SYT14: variants seen among roughly 807,000 people sequenced by gnomAD.
SYT14 encodes synaptotagmin 14, also known as synaptotagmin-14.
SYT14 carries 32 observed loss-of-function variants against 74.2 expected under a neutral mutation model. The ratio of observed to expected loss-of-function variants is 0.43; its 90% confidence interval spans 0.33 to 0.58. The LOEUF (loss-of-function observed/expected upper bound fraction) is 0.58. SYT14 is among the 20% of genes least tolerant of loss of function. The pLI is 0.05. For missense variants in SYT14, 791 were observed against 981.8 expected (o/e 0.81, Z 2.60); for synonymous variants, 298 against 337.7 (o/e 0.88, Z 1.29).
intron 1 of SYT14, among the ~76,000 whole-genome samples, chr1:209,945,027 C>A (rs905519351): frequency 6.6e-6 from 1 of 152,040 alleles, no homozygotes; most frequent in Non-Finnish European, 1.5e-5. Context: ...CACTGCTTCT[C>A]CCTCTCTTGT....
chr1:209,984,929 C>T (rs1305084295), intron 2 of SYT14, among the ~76,000 whole-genome samples: 2 of 152,136 alleles, frequency 1.3e-5, no homozygotes, highest in African/African-American at 2.4e-5. Flanking sequence ...ATTTCAAGAA[C>T]AGCACTAAGC....
intron 6 of SYT14, 49 bp downstream of exon 5, chr1:210,094,642 A>T: frequency 6.3e-7 from 1 of 1,590,830 alleles, no homozygotes; most frequent in Non-Finnish European, 8.6e-7. Flanking sequence ...TTTGGAGGAT[A>T]ATAATCCTGT....
chr1:210,153,238 A>C (rs2083203104), intron 7 of SYT14, among the ~76,000 whole-genome samples: 2 of 152,166 alleles, frequency 1.3e-5, no homozygotes, highest in Admixed American at 1.3e-4. Flanking sequence ...CTTTGTCCTC[A>C]CCACATTTGG....
chr1:210,065,865 T>G (rs170556), intron 5 of SYT14, among the ~76,000 whole-genome samples: 1 of 149,774 alleles, frequency 6.7e-6, no homozygotes, highest in African/African-American at 2.5e-5. Flanking sequence ...TCCTAATGCT[T>G]TCCCTCCCCC....
chr1:210,100,501 C>A, intron 7 of SYT14, 40 bp downstream of exon 6: 1 of 1,583,768 alleles, frequency 6.3e-7, no homozygotes, highest in South Asian at 1.1e-5. Context: ...AGTTTATGTT[C>A]ATGGTTTATA....
intron 2 of SYT14, among the ~76,000 whole-genome samples, chr1:210,000,360 C>G (rs966184288): frequency 6.6e-6 from 1 of 151,738 alleles, no homozygotes; most frequent in Non-Finnish European, 1.5e-5. Context: ...ATGTAAAATA[C>G]GTGGGATAGT....
chr1:209,978,337 T>A (rs901624852), intron 2 of SYT14, among the ~76,000 whole-genome samples: 38 of 152,236 alleles, frequency 2.5e-4, no homozygotes, highest in African/African-American at 8.9e-4. Context: ...TTTGTGGTTT[T>A]ATCTACCTTT....
At chr1:210,099,597 TTTTA>T (rs1407197607) in intron 6 of SYT14, among the ~76,000 whole-genome samples, 2 of 152,204 alleles carry the variant, frequency 1.3e-5, no homozygotes, top group African/African-American at 4.8e-5. Context: ...AGCGTTATAC[TTTTA>T]TTTATGTTCT....
At chr1:210,068,242 A>G (rs1001736722) in intron 5 of SYT14, among the ~76,000 whole-genome samples, 3 of 151,854 alleles carry the variant, frequency 2.0e-5, no homozygotes, top group Non-Finnish European at 4.4e-5. Flanking sequence ...ACATTAAAAG[A>G]TATCCCTTTG....
chr1:210,125,914 G>A (rs545956037), intron 7 of SYT14, among the ~76,000 whole-genome samples: 1 of 152,100 alleles, frequency 6.6e-6, no homozygotes, highest in South Asian at 2.1e-4. Flanking sequence ...GTAAAGAAAG[G>A]CAACGTCCAG....
At chr1:210,011,419 T>A (rs1378724969) in intron 2 of SYT14, among the ~76,000 whole-genome samples, 1 of 152,192 alleles carries the variant, frequency 6.6e-6, no homozygotes, top group African/African-American at 2.4e-5. Context: ...TGGCTATAAT[T>A]TCTTGGTTCT....
At chr1:209,944,979 G>T (rs1049543627) in intron 1 of SYT14, among the ~76,000 whole-genome samples, 4 of 152,040 alleles carry the variant, frequency 2.6e-5, no homozygotes, top group African/African-American at 9.7e-5. Flanking sequence ...CTTGCCATGG[G>T]CCAGGCAACA....
intron 2 of SYT14, among the ~76,000 whole-genome samples, chr1:209,969,688 C>T (rs755778786): frequency 2.6e-5 from 4 of 151,822 alleles, no homozygotes; most frequent in East Asian, 1.9e-4. Flanking sequence ...GGGGTTTCAC[C>T]GTGTTAGCCA....
Position 209,953,099 on chromosome 1 carries a change from C to T in SYT14, c.-486+343C>T, listed in dbSNP as rs142595117. On this transcript the variant is annotated intron_variant, in intron 2 of 9. Transcript: ENST00000637265. ...TGCTGATCTCCCATTGACTTCTGTT[C>T]TATTACTGTACCCCATCAGAGAGAT... 2.9e-4 allele frequency: 380 copies of T among 1,311,484 alleles called. 1 individual carries two copies. In the African/African-American group the frequency reaches 5.1e-3, roughly 18 times the overall value. The allele number at this position is 1,311,484 out of a possible 1,614,324, so 81.2% of individuals were successfully genotyped here.
At chr1:209,941,352 G>C (rs1444980111) in intron 1 of SYT14, among the ~76,000 whole-genome samples, 1 of 152,140 alleles carries the variant, frequency 6.6e-6, no homozygotes, top group Non-Finnish European at 1.5e-5. Flanking sequence ...TTTTTGAAAG[G>C]CATTTTGAAA....
chr1:210,000,510 A>G (rs539191959), intron 2 of SYT14, among the ~76,000 whole-genome samples: 1 of 149,310 alleles, frequency 6.7e-6, no homozygotes, highest in Non-Finnish European at 1.5e-5. Context: ...AATCTAAGAA[A>G]ATGTTCTTAG....
intron 7 of SYT14, among the ~76,000 whole-genome samples, chr1:210,124,186 T>A (rs1033563408): frequency 6.7e-6 from 1 of 149,066 alleles, no homozygotes; most frequent in South Asian, 2.1e-4. Flanking sequence ...ACCAAAAAAT[T>A]TACTATCTGG....
At chr1:210,146,998 A>G (rs1310739744) in intron 7 of SYT14, among the ~76,000 whole-genome samples, 2 of 152,116 alleles carry the variant, frequency 1.3e-5, no homozygotes, top group African/African-American at 2.4e-5. Flanking sequence ...TCCATTGAAG[A>G]TGAACTCACA....
intron 5 of SYT14, among the ~76,000 whole-genome samples, chr1:210,038,855 T>C (rs962228365): frequency 6.6e-6 from 1 of 152,104 alleles, no homozygotes; most frequent in African/African-American, 2.4e-5. Context: ...ATTTTTTCCT[T>C]CATATTGACT....
Sources: gnomAD v4.1 joint callset for allele counts (sites outside exome capture counted in the v4.1 genomes callset) on GRCh38, gnomAD v4.1.1 for gene constraint, MANE v1.5 for transcripts, NCBI Gene and HGNC (gene_info 2026-07-23, HGNC 2026-07-21) for gene names.